CFI: variants seen among roughly 807,000 people sequenced by gnomAD.
CFI encodes the protein complement factor I, also known as C3B/C4B inactivator.
CFI carries 66 observed loss-of-function variants against 78.8 expected under a neutral mutation model. That is an observed-to-expected ratio of 0.84 (90% CI 0.69 to 1.03). The LOEUF is 1.03. Among genes scored for constraint, CFI ranks in the 50% least tolerant of loss-of-function variants. CFI has a pLI of 0.00. For synonymous variants in CFI, 250 were observed against 232.6 expected (o/e 1.07, Z -0.68); for missense variants, 706 against 704.5 (o/e 1.00, Z -0.02).
chr4:109,799,502 A>T (rs909174366), intron 1 of CFI, among the ~76,000 whole-genome samples: 4 of 152,232 alleles, frequency 2.6e-5, no homozygotes, highest in African/African-American at 4.8e-5. Context: ...AATTTCTTCC[A>T]TATTAGATAG....
intron 10 of CFI, among the ~76,000 whole-genome samples, chr4:109,748,131 A>G (rs1724704270): frequency 6.6e-6 from 1 of 152,192 alleles, no homozygotes; most frequent in Non-Finnish European, 1.5e-5. Context: ...TAACCACCTT[A>G]AAAGGTGGTG....
At chr4:109,766,902 A>C (rs1207278405) in intron 1 of CFI, 78 bp from the exon 2 acceptor site, 8 of 1,429,782 alleles carry the variant, frequency 5.6e-6, no homozygotes, top group Non-Finnish European at 7.8e-6. Flanking sequence ...GAAGGAAAAG[A>C]GCAAAACAGA....
chr4:109,794,646 A>G (rs1249405057), intron 1 of CFI, among the ~76,000 whole-genome samples: 1 of 152,092 alleles, frequency 6.6e-6, no homozygotes, highest in Non-Finnish European at 1.5e-5. Flanking sequence ...TACAAAAATT[A>G]GCTGGGTGTG....
the CFI span, among the ~76,000 whole-genome samples, chr4:109,731,027 G>A: frequency 6.6e-6 from 1 of 152,126 alleles, no homozygotes; most frequent in African/African-American, 2.4e-5. Flanking sequence ...CAGTTTCCAA[G>A]AATTTTACAG....
the CFI span, among the ~76,000 whole-genome samples, chr4:109,731,877 TA>T: frequency 7.9e-5 from 12 of 152,382 alleles, no homozygotes; most frequent in African/African-American, 2.6e-4. Flanking sequence ...TTTTAATTTT[TA>T]GACAACACAT....
chr4:109,799,619 T>A (rs549734588), intron 1 of CFI, among the ~76,000 whole-genome samples: 1 of 152,336 alleles, frequency 6.6e-6, no homozygotes, highest in East Asian at 1.9e-4. Context: ...AACAGTATTA[T>A]AAGTGATAGG....
chr4:109,766,753 G>T lies in CFI; in HGVS notation c.129C>A (p.Cys43Ter). The T allele has an allele frequency of 1.2e-6, 2 of 1,614,132 alleles. No individual in the cohort carries two copies. The highest frequency in any genetic ancestry group is 1.7e-6 in the Non-Finnish European group (2 of 1,179,976). Residue 43 changes from cysteine (C) to a stop codon, truncating the protein, a stop_gained, in exon 2 of 13, where the codon TGC (cysteine) becomes TGA (stop). Coordinates refer to ENST00000394634, the MANE Select transcript of CFI (RefSeq NM_000204.5). LOFTEE classifies it high-confidence loss of function. Reference sequence around the variant, plus strand: ...GCCATGGCTGGCAGAAGACTTTATCGCAGGAGAGGTGAGTATATTTTTTTG... The same window carrying T: ...GCCATGGCTGGCAGAAGACTTTATCTCAGGAGAGGTGAGTATATTTTTTTG... ...CLAKKYTHLSCDKVFCQPWQR... is the reference protein window; with the variant it reads ...CLAKKYTHLS
chr4:109,742,394 T>G (rs1198455888), intron 12 of CFI, 97 bp downstream of exon 12: 2 of 815,572 alleles, frequency 2.5e-6, no homozygotes, highest in Non-Finnish European at 4.3e-6. Flanking sequence ...TGGAGGGAAT[T>G]AGGGCCCAAA....
chr4:109,738,397 C>G (rs1464885818), downstream of CFI, among the ~76,000 whole-genome samples: 1 of 152,170 alleles, frequency 6.6e-6, no homozygotes, highest in African/African-American at 2.4e-5. Flanking sequence ...CAGGTATGAT[C>G]CACTGCGCCC....
At chr4:109,786,173 A>G (rs567862429) in intron 1 of CFI, among the ~76,000 whole-genome samples, 1 of 151,874 alleles carries the variant, frequency 6.6e-6, no homozygotes, top group Non-Finnish European at 1.5e-5. Flanking sequence ...TGGGATTACA[A>G]GTGCCTGCCA....
intron 1 of CFI, among the ~76,000 whole-genome samples, chr4:109,768,586 G>C (rs1390178494): frequency 1.3e-5 from 2 of 152,098 alleles, no homozygotes; most frequent in Admixed American, 1.3e-4. Flanking sequence ...TAATATGAGG[G>C]CTGGGAACAG....
chr4:109,744,100 C>A (rs1457760986), intron 11 of CFI, among the ~76,000 whole-genome samples: 2 of 152,186 alleles, frequency 1.3e-5, no homozygotes, highest in East Asian at 3.9e-4. Flanking sequence ...GAAGGGGTAA[C>A]TATTCTAGAT....
chr4:109,768,572 G>A (rs1273511635), intron 1 of CFI, among the ~76,000 whole-genome samples: 1 of 152,160 alleles, frequency 6.6e-6, no homozygotes, highest in African/African-American at 2.4e-5. Context: ...GACTCCAGTA[G>A]AAATAATATG....
intron 1 of CFI, among the ~76,000 whole-genome samples, chr4:109,770,648 A>G (rs1206078952): frequency 6.6e-6 from 1 of 151,776 alleles, no homozygotes; most frequent in South Asian, 2.1e-4. Flanking sequence ...AAAAAAAAAA[A>G]AAAGAAAGTC....
intron 6 of CFI, among the ~76,000 whole-genome samples, chr4:109,758,908 T>C (rs1471448878): frequency 1.3e-5 from 2 of 152,138 alleles, no homozygotes; most frequent in Non-Finnish European, 2.9e-5. Context: ...GCCTGGCCAA[T>C]GTGGCGAAAC....
chr4:109,748,000 C>T (rs1724688178), intron 10 of CFI, among the ~76,000 whole-genome samples: 1 of 152,196 alleles, frequency 6.6e-6, no homozygotes, highest in South Asian at 2.1e-4. Flanking sequence ...CAGTTCCTAA[C>T]AGGCCACAGA....
intron 1 of CFI, among the ~76,000 whole-genome samples, chr4:109,775,888 C>T (rs1029206026): frequency 2.0e-5 from 3 of 152,084 alleles, no homozygotes; most frequent in Non-Finnish European, 4.4e-5. Flanking sequence ...CTGTAGTGGA[C>T]CTCCAGCAAA....
chr4:109,801,598 TG>T (rs1732776775), intron 1 of CFI, among the ~76,000 whole-genome samples: 1 of 152,256 alleles, frequency 6.6e-6, no homozygotes, highest in Admixed American at 6.5e-5. Context: ...TTCGTAGCAC[TG>T]TACCTTACAC....
intron 1 of CFI, among the ~76,000 whole-genome samples, chr4:109,768,712 G>A (rs137914901): frequency 4.1e-4 from 62 of 152,294 alleles, no homozygotes; most frequent in Non-Finnish European, 6.6e-4. Flanking sequence ...TGCCCGCAGT[G>A]AGCCCCGCTC....
Sources: allele counts gnomAD v4.1 joint callset (sites outside exome capture counted in the v4.1 genomes callset), GRCh38; gene constraint gnomAD v4.1.1; transcripts MANE v1.5; gene names NCBI Gene and HGNC (gene_info 2026-07-23, HGNC 2026-07-21).